Variants in PTPRN2 observed in about 807,000 individuals in gnomAD.
The protein encoded by PTPRN2 is protein tyrosine phosphatase receptor type N2.
Under a neutral mutation model 118.8 loss-of-function variants are expected in PTPRN2, and 74 were observed. The ratio of observed to expected loss-of-function variants is 0.62; its 90% CI spans 0.52 to 0.76. The LOEUF is 0.76. PTPRN2 is among the 30% of genes least tolerant of loss of function. PTPRN2 has a pLI of 0.00. For synonymous variants in PTPRN2, 641 were observed against 608.0 expected, an observed-to-expected ratio of 1.05 and a Z score of -0.80; for missense variants, 1,481 against 1,394.4, an observed-to-expected ratio of 1.06 and a Z score of -0.99.
At chr7:157,853,766 C>T (rs1474902455) in intron 12 of PTPRN2, among the ~76,000 whole-genome samples, 1 of 152,162 alleles carries the variant, frequency 6.6e-6, no homozygotes, top group Non-Finnish European at 1.5e-5. Flanking sequence ...AATTGAGTTC[C>T]CCAAATTCGC....
At chr7:158,295,988 T>C (rs1800473894) in intron 3 of PTPRN2, among the ~76,000 whole-genome samples, 1 of 152,062 alleles carries the variant, frequency 6.6e-6, no homozygotes, top group Non-Finnish European at 1.5e-5. Flanking sequence ...GAAAGATGAG[T>C]TTGGATTGCT....
intron 3 of PTPRN2, among the ~76,000 whole-genome samples, chr7:158,288,418 T>G (rs949829469): frequency 2.0e-5 from 3 of 152,196 alleles, no homozygotes; most frequent in Non-Finnish European, 4.4e-5. Flanking sequence ...TCTAGTGATA[T>G]GCTTTGATTC....
intron 6 of PTPRN2, among the ~76,000 whole-genome samples, chr7:158,149,141 C>G (rs62480234): frequency 4.9e-4 from 72 of 146,524 alleles, no homozygotes; most frequent in South Asian, 8.8e-4. Context: ...TCTCACGCCA[C>G]GTGTCTTTCC....
At chr7:157,922,844 G>A (rs1798761822) in intron 11 of PTPRN2, among the ~76,000 whole-genome samples, 1 of 152,162 alleles carries the variant, frequency 6.6e-6, no homozygotes. Context: ...TAATCCTGAG[G>A]TCACTCGCTT....
At chr7:158,396,921 C>G (rs551257531) in intron 2 of PTPRN2, among the ~76,000 whole-genome samples, 12 of 152,190 alleles carry the variant, frequency 7.9e-5, no homozygotes, top group African/African-American at 2.2e-4. Flanking sequence ...AAAAAGTACA[C>G]GAGCTTGTGA....
rs1321215969 is a variant in PTPRN2 at position 157,560,190 on chromosome 7, T to C, written c.2902+8712A>G. ...GTGAGGAGCCCCTGCAGCCAGGCTA[T>C]GTGAACCCTGGCTCAGCAGGGTCAG... On this transcript the variant is annotated intron_variant, in intron 21 of 22. Coordinates refer to ENST00000389418, the MANE Select transcript of PTPRN2 (RefSeq NM_002847.5). This position sits in a 1 kb window ranked among gnomAD's most constrained non-coding sequence, Gnocchi z 6.7. 6.6e-6 allele frequency among the ~76,000 whole-genome samples: 1 copy of C among 152,146 alleles called. No individual in the cohort carries two copies. The highest frequency in any genetic ancestry group is 2.4e-5 in the African/African-American group (1 of 41,432).
intron 11 of PTPRN2, among the ~76,000 whole-genome samples, chr7:158,005,721 C>T (rs189198555): frequency 6.0e-4 from 92 of 152,300 alleles, no homozygotes; most frequent in African/African-American, 2.1e-3. Flanking sequence ...GTGCTCGTGG[C>T]CCACGAGGGG....
chr7:158,353,787 A>G (rs1323249414), intron 2 of PTPRN2, among the ~76,000 whole-genome samples: 2 of 152,214 alleles, frequency 1.3e-5, no homozygotes, highest in African/African-American at 4.8e-5. Flanking sequence ...CACAGTTTCT[A>G]CACTTAGAAA....
intron 6 of PTPRN2, among the ~76,000 whole-genome samples, chr7:158,159,596 C>T (rs182880670): frequency 2.0e-5 from 3 of 152,134 alleles, no homozygotes; most frequent in African/African-American, 7.2e-5. Context: ...GGTTTTGTTT[C>T]CCGTTCAGTG....
At chr7:157,772,388 CAGACACAAACAG>C (rs1173521204) in intron 12 of PTPRN2, among the ~76,000 whole-genome samples, 1 of 152,082 alleles carries the variant, frequency 6.6e-6, no homozygotes, top group African/African-American at 2.4e-5. Context: ...CACAGATACA[CAGACACAAACAG>C]AGACACACAT....
At chr7:158,453,787 T>C (rs1344844606) in intron 2 of PTPRN2, among the ~76,000 whole-genome samples, 2 of 152,276 alleles carry the variant, frequency 1.3e-5, no homozygotes, top group African/African-American at 2.4e-5. Context: ...GCACTGACCA[T>C]GTGCAGGGAA....
chr7:158,311,201 C>T (rs922307355), intron 3 of PTPRN2, among the ~76,000 whole-genome samples: 4 of 152,208 alleles, frequency 2.6e-5, no homozygotes, highest in Non-Finnish European at 4.4e-5. Flanking sequence ...CCAGCCAGGA[C>T]CCGTGCGGCC....
intron 12 of PTPRN2, among the ~76,000 whole-genome samples, chr7:157,885,547 TC>T (rs1796404878): frequency 6.6e-6 from 1 of 152,146 alleles, no homozygotes; most frequent in African/African-American, 2.4e-5. Flanking sequence ...CAGGAGAGTT[TC>T]CCCTGACAGA....
chr7:157,544,916 G>A (rs549674125), intron 22 of PTPRN2, among the ~76,000 whole-genome samples: 5 of 150,048 alleles, frequency 3.3e-5, no homozygotes, highest in East Asian at 2.0e-4. Flanking sequence ...GTGTGCAGCA[G>A]TGCAGGTGTG....
chr7:158,494,818 G>C (rs73729652), intron 1 of PTPRN2, among the ~76,000 whole-genome samples: 5 of 152,144 alleles, frequency 3.3e-5, no homozygotes, highest in Non-Finnish European at 5.9e-5. Context: ...GGATGCGGGG[G>C]CTTCACCTGT....
intron 3 of PTPRN2, among the ~76,000 whole-genome samples, chr7:158,254,957 C>T (rs1030882513): frequency 6.6e-6 from 1 of 152,216 alleles, no homozygotes; most frequent in African/African-American, 2.4e-5. Flanking sequence ...GAGGCATGGC[C>T]CAGGCCCAGG....
rs1347578028 is a variant in PTPRN2, at chr7:157,627,381, C to T, written c.2197-5872G>A. Among the ~76,000 whole-genome samples, 2 of 152,210 alleles carry T rather than the reference C, an allele frequency of 1.3e-5. No individual in the cohort carries two copies. Among genetic ancestry groups the T allele is most frequent in the Non-Finnish European group, 2.9e-5 (2 of 68,042 alleles). ...GTGAAGGCGGGATTGCACCACAATG[C>T]GTGCTCACATCAGGAAATCCATGAA... On this transcript the variant is annotated intron_variant, in intron 14 of 22. Transcript: ENST00000389418. The surrounding 1 kb of genome is among the most constrained non-coding windows in gnomAD (Gnocchi z 4.2).
At chr7:157,954,879 T>C (rs1317844133) in intron 11 of PTPRN2, among the ~76,000 whole-genome samples, 2 of 152,216 alleles carry the variant, frequency 1.3e-5, no homozygotes, top group African/African-American at 4.8e-5. Context: ...TATTTACTCC[T>C]GCAAAATTAT....
intron 2 of PTPRN2, among the ~76,000 whole-genome samples, 166 bp from the exon 3 acceptor site, chr7:158,317,098 TG>T (rs1050591221): frequency 6.6e-5 from 10 of 152,222 alleles, no homozygotes; most frequent in African/African-American, 2.4e-4. Flanking sequence ...CGGAGGATGC[TG>T]GTTTGTGAGA....
Sources: gnomAD v4.1 joint callset for allele counts (sites outside exome capture counted in the v4.1 genomes callset) on GRCh38, gnomAD v4.1.1 for gene constraint, Gnocchi (gnomAD v3.1) non-coding constraint, MANE v1.5 for transcripts, NCBI Gene and HGNC (gene_info 2026-07-23, HGNC 2026-07-21) for gene names.